Variants in KCNQ1 observed in about 807,000 individuals in gnomAD.
KCNQ1 encodes the protein potassium voltage-gated channel subfamily Q member 1, also known as potassium voltage-gated channel subfamily KQT member 1.
A neutral mutation model predicts 72.4 loss-of-function variants in KCNQ1; 49 were observed. That is an observed-to-expected ratio of 0.68 (90% CI 0.54 to 0.86). The LOEUF (loss-of-function observed/expected upper bound fraction) is 0.86, where lower values mean the gene tolerates loss of function less well. KCNQ1 is among the 40% of genes least tolerant of loss of function. The pLI is 0.00. For missense variants in KCNQ1, 790 were observed against 945.1 expected, an observed-to-expected ratio of 0.84 and a Z score of 2.15; for synonymous variants, 450 against 412.6, an observed-to-expected ratio of 1.09 and a Z score of -1.10.
chr11:2,568,672 T>C lies in KCNQ1; in HGVS notation c.478-1956T>C, dbSNP rs145156147. ...CATTCGTTCATTCAGCATGTCCATG[T>C]TGAGCACTGACTGGAGCAGGTCCTG... On this transcript the variant is annotated intron_variant, in intron 2 of 15. Coordinates refer to ENST00000155840, the MANE Select transcript of KCNQ1 (RefSeq NM_000218.3). Among the ~76,000 whole-genome samples, 19 of 152,320 alleles carry C rather than the reference T, an allele frequency of 1.2e-4. No homozygotes were observed. The East Asian group carries it at 3.5e-3, about 28-fold the overall frequency.
intron 10 of KCNQ1, chr11:2,618,529 T>C (rs1849108412): frequency 2.5e-6 from 1 of 398,496 alleles, no homozygotes. Flanking sequence ...AATTTCTTTC[T>C]GGGCTCTCTA....
In KCNQ1 at chr11:2,686,617, G is replaced by A. The variant is rs567662244; in HGVS notation, c.1514+24536G>A. The A allele has an allele frequency of 1.8e-5, 7 of 398,672 alleles. No homozygotes were observed. The South Asian group carries it at 3.8e-4, about 22-fold the overall frequency. 24.7% of individuals were successfully genotyped at this position (398,672 alleles called of 1,614,324 possible). A position where few individuals can be genotyped will look rare whatever the true frequency, so the allele number is the denominator to read the frequency against. ...GGCTACTAGCACTTTTCACATGAGC[G>A]TGGCTGCCCTCAGGCCCAGGCTGCA... On this transcript the variant is annotated intron_variant, in intron 11 of 15. Coordinates refer to ENST00000155840, the MANE Select transcript of KCNQ1 (RefSeq NM_000218.3).
At chr11:2,461,778 A>G in intron 1 of KCNQ1, 1 of 1,309,250 alleles carries the variant, frequency 7.6e-7, no homozygotes, top group South Asian at 1.2e-5. Context: ...GGGGGGCTGA[A>G]TTGTGGTCAG....
At position 2,494,138 on chromosome 11, in the gene KCNQ1, GCT is replaced by G. The variant is rs956854194; in HGVS notation, c.387-33785_387-33784del. Among the ~76,000 whole-genome samples the G allele has an allele frequency of 2.1e-4, 32 of 152,070 alleles. 1 individual carries two copies. Among genetic ancestry groups the G allele is most frequent in the African/African-American group, 7.2e-4 (30 of 41,460 alleles). On this transcript the variant is annotated intron_variant, in intron 1 of 15. Transcript: ENST00000155840. This position sits in a 1 kb window ranked among gnomAD's most constrained non-coding sequence, Gnocchi z 4.6. ...TGAATGGGGATTCACTCATGATTTGGCTCTCTGCTTGTCTATTTTTGGTGTAT... is the reference window on the plus strand; with the variant it reads ...TGAATGGGGATTCACTCATGATTTGGCTCTGCTTGTCTATTTTTGGTGTAT...
chr11:2,615,810 T>C, intron 10 of KCNQ1: 1 of 398,116 alleles, frequency 2.5e-6, no homozygotes, highest in Non-Finnish European at 4.4e-6. Flanking sequence ...TAAAAGATTT[T>C]AGTATCTAGT....
rs183290915 is a variant in KCNQ1, at chr11:2,782,785, A to G, written c.1794+4748A>G. On this transcript the variant is annotated intron_variant, in intron 15 of 15. Transcript: ENST00000155840. This position sits in a 1 kb window ranked among gnomAD's most constrained non-coding sequence, Gnocchi z 6.1. ...CATTTAGTCCCATTTTTTATTCTCAATATTATTTATTTGTGCCTTCACTGT... is the reference window on the plus strand; with the variant it reads ...CATTTAGTCCCATTTTTTATTCTCAGTATTATTTATTTGTGCCTTCACTGT... Among the ~76,000 whole-genome samples, 3 of 152,100 alleles carry G rather than the reference A, an allele frequency of 2.0e-5. No individual in the cohort carries two copies. Among genetic ancestry groups the G allele is most frequent in the Non-Finnish European group, 2.9e-5 (2 of 67,970 alleles).
chr11:2,688,824 A>G (rs780623785), intron 11 of KCNQ1: 21 of 398,760 alleles, frequency 5.3e-5, no homozygotes, highest in Admixed American at 1.8e-4. Context: ...CCCATCCCAC[A>G]AAGAGAGATG....
intron 10 of KCNQ1, chr11:2,630,165 AT>A (rs1849330053): frequency 5.0e-6 from 2 of 398,230 alleles, no homozygotes. Flanking sequence ...ATTTGCACTT[AT>A]CAAAATGATT....
Position 2,661,537 on chromosome 11 carries a change from C to T in KCNQ1, c.1394-424C>T, listed in dbSNP as rs929655938. 9 of 499,508 alleles carry T rather than the reference C, an allele frequency of 1.8e-5. No homozygotes were observed. The highest frequency in any genetic ancestry group is 3.2e-5 in the Non-Finnish European group (9 of 283,964). 30.9% of individuals were successfully genotyped at this position (499,508 alleles called of 1,614,324 possible). ...TCCTATCACCCCATCTTTCCTGACC[C>T]ACTACTCTGTCAATGTATGAGTGTG... On this transcript the variant is annotated intron_variant, in intron 10 of 15. Coordinates refer to ENST00000155840, the MANE Select transcript of KCNQ1 (RefSeq NM_000218.3). This position sits in a 1 kb window ranked among gnomAD's most constrained non-coding sequence, Gnocchi z 5.9.
intron 11 of KCNQ1, among the ~76,000 whole-genome samples, chr11:2,733,098 TAGG>T (rs1432721036): frequency 1.3e-5 from 2 of 151,880 alleles, no homozygotes; most frequent in African/African-American, 2.4e-5. Flanking sequence ...CTCTGTAAAA[TAGG>T]AGGCATCACC....
intron 14 of KCNQ1, chr11:2,777,523 G>A: frequency 1.9e-6 from 1 of 536,812 alleles, no homozygotes; most frequent in Non-Finnish European, 3.2e-6. Flanking sequence ...AGTCATTCCG[G>A]GGAATGACAG....
intron 10 of KCNQ1, chr11:2,615,846 C>T (rs1040390843): frequency 5.0e-6 from 2 of 397,826 alleles, no homozygotes; most frequent in African/African-American, 4.1e-5. Context: ...GTATATTTGT[C>T]TGGCTTTGGA....
At chr11:2,529,433 G>C (rs1304667353) in intron 2 of KCNQ1, among the ~76,000 whole-genome samples, 3 of 151,980 alleles carry the variant, frequency 2.0e-5, no homozygotes, top group Admixed American at 2.0e-4. Context: ...TAAACTGGGG[G>C]AGACTGACAT....
Position 2,620,631 on chromosome 11 carries a change from A to C in KCNQ1, c.1393+31777A>C, listed in dbSNP as rs1849154363. The C allele has an allele frequency of 5.0e-6, 2 of 397,892 alleles. No individual in the cohort carries two copies. The allele number at this position is 397,892 out of a possible 1,614,324, so 24.6% of individuals were successfully genotyped here. On this transcript the variant is annotated intron_variant, in intron 10 of 15. Coordinates refer to ENST00000155840, the MANE Select transcript of KCNQ1 (RefSeq NM_000218.3). The surrounding 1 kb of genome is among the most constrained non-coding windows in gnomAD (Gnocchi z 4.5). ...TGGATTCCATGTCTTTGCTGTTGTG[A>C]ATAGTGCTGTGATGAACATACAAAT...
rs1006389194 is a variant in KCNQ1 at position 2,652,112 on chromosome 11, G to A, written c.1394-9849G>A. On this transcript the variant is annotated intron_variant, in intron 10 of 15. Coordinates refer to ENST00000155840, the MANE Select transcript of KCNQ1 (RefSeq NM_000218.3). This position sits in a 1 kb window ranked among gnomAD's most constrained non-coding sequence, Gnocchi z 5.9. ...TCGGCCCCAGTTCTGGCCTGGCTGG[G>A]AGGTGGCCTGGGAAGGGACCTGTGT... 1 of 398,590 alleles carries A rather than the reference G, an allele frequency of 2.5e-6. No individual in the cohort carries two copies. The highest frequency in any genetic ancestry group is 4.4e-6 in the Non-Finnish European group (1 of 226,150). The allele number at this position is 398,590 out of a possible 1,614,324, so 24.7% of individuals were successfully genotyped here.
rs1847512783 is a variant in KCNQ1 at position 2,526,643 on chromosome 11, A to G, written c.387-1285A>G. The stretch of plus-strand genomic sequence containing the variant: ...GCCGAGGCAGGCTGTGCTGGGAGGT[A>G]GCCTGTTTGTTGTGGGCTCTGGGGG... On this transcript the variant is annotated intron_variant, in intron 1 of 15. Transcript: ENST00000155840. The surrounding 1 kb of genome is among the most constrained non-coding windows in gnomAD (Gnocchi z 6.1). Among the ~76,000 whole-genome samples, 1 of 129,262 alleles carries G rather than the reference A, an allele frequency of 7.7e-6. No individual in the cohort carries two copies. Among genetic ancestry groups the G allele is most frequent in the Non-Finnish European group, 1.6e-5 (1 of 62,380 alleles). 84.8% of individuals were successfully genotyped at this position (129,262 alleles called of 152,430 possible). A position where few individuals can be genotyped will look rare whatever the true frequency, so the allele number is the denominator to read the frequency against.
rs75187314 is a variant in KCNQ1, at chr11:2,595,919, T to C, written c.1393+7065T>C. Among the ~76,000 whole-genome samples the C allele has an allele frequency of 3.5e-3, 537 of 152,352 alleles. 1 individual carries two copies. The highest frequency in any genetic ancestry group is 5.8e-3 in the Admixed American group (89 of 15,302). Reference sequence around the variant, plus strand: ...TGAAATTAAGAACATTAGTGATTCATGGAAGAACGTCAAAATATCAGCATT... The same window carrying C: ...TGAAATTAAGAACATTAGTGATTCACGGAAGAACGTCAAAATATCAGCATT... On this transcript the variant is annotated intron_variant, in intron 10 of 15. Transcript: ENST00000155840. This position sits in a 1 kb window ranked among gnomAD's most constrained non-coding sequence, Gnocchi z 5.0.
At chr11:2,582,737 G>A (rs1848519667) in intron 6 of KCNQ1, among the ~76,000 whole-genome samples, 2 of 152,208 alleles carry the variant, frequency 1.3e-5, no homozygotes, top group South Asian at 4.1e-4. Flanking sequence ...GAAGAACCCA[G>A]CAGGCAGCCT....
chr11:2,735,914 A>T lies in KCNQ1; in HGVS notation c.1515-32930A>T, dbSNP rs1828618565. The stretch of plus-strand genomic sequence containing the variant: ...TTACTTCTTATAAGACCCCATCTCC[A>T]GACACACAGTCACAGTCAGAGGCAG... On this transcript the variant is annotated intron_variant, in intron 11 of 15. Coordinates refer to ENST00000155840, the MANE Select transcript of KCNQ1 (RefSeq NM_000218.3). This position sits in a 1 kb window ranked among gnomAD's most constrained non-coding sequence, Gnocchi z 7.7. 6.6e-6 allele frequency among the ~76,000 whole-genome samples: 1 copy of T among 152,164 alleles called. No homozygotes were observed. Among genetic ancestry groups the T allele is most frequent in the African/African-American group, 2.4e-5 (1 of 41,446 alleles).
Sources: gnomAD v4.1 joint callset for allele counts (sites outside exome capture counted in the v4.1 genomes callset) on GRCh38, gnomAD v4.1.1 for gene constraint, Gnocchi (gnomAD v3.1) non-coding constraint, MANE v1.5 for transcripts, NCBI Gene and HGNC (gene_info 2026-07-23, HGNC 2026-07-21) for gene names.